Variants in DSCAML1 observed in about 807,000 individuals in gnomAD.
DSCAML1 encodes the protein cell adhesion molecule DSCAML1.
A neutral mutation model predicts 200.5 loss-of-function variants in DSCAML1; 38 were observed. That is an observed-to-expected ratio of 0.19 (90% confidence interval 0.15 to 0.25). The LOEUF (loss-of-function observed/expected upper bound fraction) is 0.25. Among genes scored for constraint, DSCAML1 ranks in the 10% least tolerant of loss-of-function variants. DSCAML1 has a pLI of 1.00. For missense variants in DSCAML1, 2,223 were observed against 2,858.8 expected, an observed-to-expected ratio of 0.78 and a Z score of 5.07; for synonymous variants, 1,215 against 1,165.0, an observed-to-expected ratio of 1.04 and a Z score of -0.87.
At chr11:117,640,229 C>A (rs1439049349) in intron 3 of DSCAML1, among the ~76,000 whole-genome samples, 1 of 152,136 alleles carries the variant, frequency 6.6e-6, no homozygotes, top group South Asian at 2.1e-4. Flanking sequence ...CAAACCCGCC[C>A]CACAGCCCTC....
intron 3 of DSCAML1, among the ~76,000 whole-genome samples, chr11:117,592,943 T>C (rs747756792): frequency 6.6e-6 from 1 of 152,222 alleles, no homozygotes; most frequent in Non-Finnish European, 1.5e-5. Flanking sequence ...CACTGCCATG[T>C]GTAAGTCACC....
At chr11:117,805,888 G>A (rs1368264632) in intron 1 of DSCAML1, among the ~76,000 whole-genome samples, 1 of 152,206 alleles carries the variant, frequency 6.6e-6, no homozygotes, top group Non-Finnish European at 1.5e-5. Flanking sequence ...GTCAGAGTGT[G>A]AAGGGACCTG....
At chr11:117,703,361 G>A (rs1055513448) in intron 3 of DSCAML1, among the ~76,000 whole-genome samples, 18 of 152,292 alleles carry the variant, frequency 1.2e-4, no homozygotes, top group African/African-American at 3.8e-4. Flanking sequence ...CTGCTCTGCA[G>A]AGAGCTGTCT....
intron 3 of DSCAML1, among the ~76,000 whole-genome samples, chr11:117,606,918 G>C (rs571824397): frequency 8.5e-4 from 130 of 152,358 alleles, no homozygotes; most frequent in African/African-American, 3.1e-3. Flanking sequence ...AGACAAGGGG[G>C]AGTGTTGACT....
chr11:117,809,991 TCA>T (rs1349062265), intron 1 of DSCAML1, among the ~76,000 whole-genome samples: 11 of 141,114 alleles, frequency 7.8e-5, no homozygotes, highest in South Asian at 4.3e-4. Flanking sequence ...ATACACACAT[TCA>T]CATACACACA....
At chr11:117,586,735 C>G (rs779447187) in intron 3 of DSCAML1, among the ~76,000 whole-genome samples, 1 of 152,194 alleles carries the variant, frequency 6.6e-6, no homozygotes, top group African/African-American at 2.4e-5. Flanking sequence ...CAGGACTCAG[C>G]CCTTCCACGA....
At chr11:117,718,559 T>C (rs889777986) in intron 3 of DSCAML1, among the ~76,000 whole-genome samples, 11 of 152,028 alleles carry the variant, frequency 7.2e-5, no homozygotes, top group Admixed American at 2.0e-4. Flanking sequence ...ATTAGGAGAT[T>C]CCTGATATCC....
At chr11:117,482,625 A>G (rs1450043379) in intron 11 of DSCAML1, among the ~76,000 whole-genome samples, 1 of 151,586 alleles carries the variant, frequency 6.6e-6, no homozygotes, top group Non-Finnish European at 1.5e-5. Flanking sequence ...CGTATAAGTG[A>G]TATTTTGAGA....
intron 3 of DSCAML1, among the ~76,000 whole-genome samples, chr11:117,614,612 C>T (rs1180679107): frequency 7.2e-5 from 11 of 152,176 alleles, no homozygotes; most frequent in Admixed American, 6.5e-4. Flanking sequence ...GGGTCATTAT[C>T]CCCTGTGGTC....
Position 117,524,821 on chromosome 11 carries a change from G to T in DSCAML1, c.921C>A (p.Gly307=), listed in dbSNP as rs370458869. 4 of 1,585,942 alleles carry T rather than the reference G, an allele frequency of 2.5e-6. No individual in the cohort carries two copies. Among genetic ancestry groups the T allele is most frequent in the Non-Finnish European group, 3.4e-6 (4 of 1,164,900 alleles). ...CCGACTCACCAATGACCATGAGGAT[G>T]CCTGTGGCCTCTGCCGAACCGAAGG... ...TNTFGSAEAT[G]ILMVIDPLHV... is the part of the protein sequence containing the mutation. Residue 307 remains glycine, a synonymous_variant, in exon 5 of 33, where the codon GGC becomes GGA. Transcript: ENST00000651296.
intron 3 of DSCAML1, among the ~76,000 whole-genome samples, chr11:117,589,087 A>G (rs1462905527): frequency 1.3e-5 from 2 of 152,180 alleles, no homozygotes; most frequent in Non-Finnish European, 2.9e-5. Context: ...AGAGGCCCCT[A>G]TGTTAGCTTA....
intron 3 of DSCAML1, among the ~76,000 whole-genome samples, chr11:117,733,145 G>A (rs2054255109): frequency 1.3e-5 from 2 of 152,230 alleles, no homozygotes; most frequent in Non-Finnish European, 2.9e-5. Flanking sequence ...AGGACATGCG[G>A]GGGAAGGGGC....
At chr11:117,746,645 C>A (rs1256134583) in intron 3 of DSCAML1, among the ~76,000 whole-genome samples, 1 of 152,216 alleles carries the variant, frequency 6.6e-6, no homozygotes, top group Non-Finnish European at 1.5e-5. Context: ...TGCTGACACT[C>A]CCAGCTTCCA....
At chr11:117,474,897 GGC>G (rs2048757752) in intron 14 of DSCAML1, among the ~76,000 whole-genome samples, 1 of 152,028 alleles carries the variant, frequency 6.6e-6, no homozygotes, top group East Asian at 1.9e-4. Context: ...TGGGACTACA[GGC>G]GCATGCCACC....
At chr11:117,669,256 A>G (rs565116922) in intron 3 of DSCAML1, among the ~76,000 whole-genome samples, 2 of 152,224 alleles carry the variant, frequency 1.3e-5, no homozygotes, top group South Asian at 2.1e-4. Context: ...GGCAGCTTCA[A>G]TGGGCCTGGC....
At chr11:117,446,099 C>A (rs1294059482) in intron 20 of DSCAML1, among the ~76,000 whole-genome samples, 3 of 152,206 alleles carry the variant, frequency 2.0e-5, no homozygotes, top group Non-Finnish European at 4.4e-5. Context: ...CATACTGGCT[C>A]ACATCTGTAA....
upstream of DSCAML1, chr11:117,801,661 G>A (rs1341811691): frequency 6.6e-6 from 1 of 152,234 alleles, no homozygotes; most frequent in African/African-American, 2.4e-5. Flanking sequence ...CTCAGAAGAT[G>A]TCTAGGTATG....
rs560973967 is a variant in DSCAML1 at position 117,555,917 on chromosome 11, G to T, written c.512-23395C>A. Among the ~76,000 whole-genome samples the T allele has an allele frequency of 3.3e-5, 5 of 151,716 alleles. No homozygotes were observed. In the South Asian group the frequency reaches 6.3e-4, roughly 19 times the overall value. ...AGTGAGGTTGGCAGCAGGAAGCCAG[G>T]GGGGAGCTTATTCCAAGGGTCCTTG... On this transcript the variant is annotated intron_variant, in intron 3 of 32. Transcript: ENST00000651296.
upstream of DSCAML1, among the ~76,000 whole-genome samples, chr11:117,797,456 C>T (rs2055606211): frequency 6.6e-6 from 1 of 152,234 alleles, no homozygotes. Flanking sequence ...CGGCTTGGAG[C>T]CTGTGGTCGC....
Sources: gnomAD v4.1 joint callset for allele counts (sites outside exome capture counted in the v4.1 genomes callset) on GRCh38, gnomAD v4.1.1 for gene constraint, MANE v1.5 for transcripts, NCBI Gene and HGNC (gene_info 2026-07-23, HGNC 2026-07-21) for gene names.